Variants in NPAS3 observed in about 807,000 individuals in gnomAD.
NPAS3 encodes the protein neuronal PAS domain protein 3.
Under a neutral mutation model 73.1 loss-of-function variants are expected in NPAS3, and 14 were observed. That is an observed-to-expected ratio of 0.19 (90% CI 0.13 to 0.30). NPAS3 has a LOEUF of 0.30. Ranked by LOEUF, NPAS3 falls within the 10% of genes least tolerant of loss-of-function variation. NPAS3 has a pLI of 1.00. For synonymous variants in NPAS3, 620 were observed against 541.5 expected, an observed-to-expected ratio of 1.14 and a Z score of -2.01; for missense variants, 1,096 against 1,250.0, an observed-to-expected ratio of 0.88 and a Z score of 1.86.
chr14:33,083,178 C>CAA lies in NPAS3; in HGVS notation c.140+27219_140+27220dup, dbSNP rs57147759. On this transcript the variant is annotated intron_variant, in intron 2 of 11. Transcript: ENST00000356141. ...AGCCTGGGTAATGGCGAGACTGTCT[C>CAA]AAAAAAAAAAAAAAAAAAAAAAAAA... Among the ~76,000 whole-genome samples the CAA allele has an allele frequency of 8.2e-3, 535 of 64,994 alleles. 102 individuals are homozygous for CAA. Among genetic ancestry groups the CAA allele is most frequent in the Non-Finnish European group, 0.013 (382 of 29,244 alleles). The allele number at this position is 64,994 out of a possible 152,430, so 42.6% of individuals were successfully genotyped here. A position where few individuals can be genotyped will look rare whatever the true frequency, so the allele number is the denominator to read the frequency against.
At chr14:33,769,081 G>C (rs2062557051) in intron 7 of NPAS3, among the ~76,000 whole-genome samples, 2 of 152,162 alleles carry the variant, frequency 1.3e-5, no homozygotes, top group Non-Finnish European at 2.9e-5. Flanking sequence ...CCTCAATTTA[G>C]AGAATAACAA....
chr14:33,216,248 A>G (rs1333929094), intron 3 of NPAS3, among the ~76,000 whole-genome samples: 2 of 152,196 alleles, frequency 1.3e-5, no homozygotes, highest in Non-Finnish European at 2.9e-5. Context: ...AGCATGAAAT[A>G]AAACTGGGCA....
intron 6 of NPAS3, among the ~76,000 whole-genome samples, chr14:33,703,094 G>A (rs748618513): frequency 6.6e-6 from 1 of 152,148 alleles, no homozygotes; most frequent in Non-Finnish European, 1.5e-5. Flanking sequence ...GGTGGGGTGG[G>A]GGAAGAGGAT....
At chr14:33,124,811 G>A (rs914631008) in intron 2 of NPAS3, among the ~76,000 whole-genome samples, 3 of 152,054 alleles carry the variant, frequency 2.0e-5, no homozygotes, top group Non-Finnish European at 4.4e-5. Context: ...TAAACATAGT[G>A]ATCAATTTTG....
At chr14:33,225,569 T>C (rs1276497492) in intron 3 of NPAS3, among the ~76,000 whole-genome samples, 1 of 152,218 alleles carries the variant, frequency 6.6e-6, no homozygotes, top group South Asian at 2.1e-4. Flanking sequence ...AAAGTAGCTA[T>C]ATAGACAAGC....
intron 9 of NPAS3, among the ~76,000 whole-genome samples, chr14:33,782,414 A>G (rs1168834447): frequency 6.6e-6 from 1 of 152,194 alleles, no homozygotes; most frequent in Admixed American, 6.5e-5. Context: ...ATGGAGTGCT[A>G]AACCAAACAG....
chr14:33,539,737 A>G (rs28463263), intron 4 of NPAS3, among the ~76,000 whole-genome samples: 11,055 of 152,082 alleles, frequency 0.073, 1,109 homozygotes, highest in African/African-American at 0.23. Context: ...GCATGTTTCT[A>G]TTGTTAACAT....
chr14:33,344,342 T>C (rs1156325286), intron 3 of NPAS3, among the ~76,000 whole-genome samples: 1 of 152,236 alleles, frequency 6.6e-6, no homozygotes, highest in Non-Finnish European at 1.5e-5. Flanking sequence ...TATTTCACTG[T>C]GGGAAGCATT....
chr14:33,556,479 A>G (rs2055361870), intron 4 of NPAS3, among the ~76,000 whole-genome samples: 1 of 152,212 alleles, frequency 6.6e-6, no homozygotes, highest in Admixed American at 6.5e-5. Flanking sequence ...TATAAGGAAA[A>G]GGGAGCACTG....
intron 4 of NPAS3, among the ~76,000 whole-genome samples, chr14:33,407,925 G>T (rs540477200): frequency 2.0e-5 from 3 of 152,038 alleles, no homozygotes; most frequent in Non-Finnish European, 4.4e-5. Context: ...ATTCTCTCAC[G>T]TAGGTGGCTA....
intron 2 of NPAS3, among the ~76,000 whole-genome samples, chr14:33,083,635 C>A (rs2041933007): frequency 6.6e-6 from 1 of 152,112 alleles, no homozygotes; most frequent in South Asian, 2.1e-4. Context: ...AATCTTAGGA[C>A]TTTTTAATCT....
At chr14:33,696,058 A>G (rs186703988) in intron 6 of NPAS3, among the ~76,000 whole-genome samples, 1 of 152,268 alleles carries the variant, frequency 6.6e-6, no homozygotes, top group Admixed American at 6.5e-5. Context: ...CCTTGATGTC[A>G]TGATTAGAGT....
At chr14:33,200,377 ATCAC>A (rs1346295463) in intron 2 of NPAS3, among the ~76,000 whole-genome samples, 1 of 151,864 alleles carries the variant, frequency 6.6e-6, no homozygotes, top group Non-Finnish European at 1.5e-5. Flanking sequence ...CAGAAACACA[ATCAC>A]TCAGAGGAAA....
chr14:33,610,607 A>G (rs79931441), intron 5 of NPAS3, among the ~76,000 whole-genome samples: 8,122 of 152,298 alleles, frequency 0.053, 284 homozygotes, highest in South Asian at 0.13. Flanking sequence ...TTGGTTGTTC[A>G]TGTTGATTAC....
intron 4 of NPAS3, among the ~76,000 whole-genome samples, chr14:33,513,236 G>T (rs1349513669): frequency 6.6e-6 from 1 of 151,996 alleles, no homozygotes; most frequent in Non-Finnish European, 1.5e-5. Context: ...ATACTCATGA[G>T]CTAAGGTCAC....
intron 2 of NPAS3, among the ~76,000 whole-genome samples, chr14:33,129,875 T>C (rs2043570459): frequency 6.6e-6 from 1 of 152,138 alleles, no homozygotes; most frequent in Non-Finnish European, 1.5e-5. Flanking sequence ...ATTTTAAAGA[T>C]TTGACTGGGT....
In NPAS3 at chr14:33,538,085, A is replaced by G. The variant is rs183209517; in HGVS notation, c.469-22036A>G. Among the ~76,000 whole-genome samples, 4 of 152,252 alleles carry G rather than the reference A, an allele frequency of 2.6e-5. No homozygotes were observed. In the East Asian group the frequency reaches 7.7e-4, roughly 29 times the overall value. On this transcript the variant is annotated intron_variant, in intron 4 of 11. Coordinates refer to ENST00000356141, the Ensembl canonical transcript of NPAS3. ...TGGAACACGAATTAATGAATATATG[A>G]GTCCCTTTTGTGTCATTTTGGCCAA... is the stretch of plus-strand genomic sequence containing the variant.
At chr14:33,711,522 A>C (rs1159305339) in intron 6 of NPAS3, among the ~76,000 whole-genome samples, 2 of 152,212 alleles carry the variant, frequency 1.3e-5, no homozygotes, top group Non-Finnish European at 2.9e-5. Context: ...GCCAGAGTAC[A>C]TAACTTCAAA....
At chr14:33,688,598 T>C (rs1263623531) in intron 6 of NPAS3, among the ~76,000 whole-genome samples, 4 of 152,192 alleles carry the variant, frequency 2.6e-5, no homozygotes, top group Non-Finnish European at 4.4e-5. Flanking sequence ...CCCAAAGGTT[T>C]CTCATCAGAC....
Sources: gnomAD v4.1 joint callset for allele counts (sites outside exome capture counted in the v4.1 genomes callset) on GRCh38, gnomAD v4.1.1 for gene constraint, MANE v1.5 for transcripts, NCBI Gene and HGNC (gene_info 2026-07-23, HGNC 2026-07-21) for gene names.